Variants in ARHGEF25 observed in about 807,000 individuals in gnomAD.
ARHGEF25 encodes the protein RAC/CDC42 exchange factor.
A neutral mutation model predicts 74.0 loss-of-function variants in ARHGEF25; 42 were observed. That is an observed-to-expected ratio of 0.57 (90% CI 0.44 to 0.73). ARHGEF25 has a LOEUF of 0.73. ARHGEF25 is among the 30% of genes least tolerant of loss of function. ARHGEF25 has a pLI of 0.00. For synonymous variants in ARHGEF25, 293 were observed against 278.6 expected (o/e 1.05, Z -0.51); for missense variants, 645 against 725.5 (o/e 0.89, Z 1.27).
chr12:57,610,304 G>T, upstream of ARHGEF25: 1 of 1,544,758 alleles, frequency 6.5e-7, no homozygotes. Flanking sequence ...CGCCCTCCCT[G>T]GGCAGGAGGG....
chr12:57,610,162 C>T, upstream of ARHGEF25: 2 of 1,009,424 alleles, frequency 2.0e-6, no homozygotes, highest in East Asian at 2.6e-5. Context: ...CCTCAAAGCC[C>T]CCCAGCTTCA....
intron 5 of ARHGEF25, 49 bp from the exon 6 acceptor site, chr12:57,613,967 G>C (rs770199613): frequency 6.3e-7 from 1 of 1,576,052 alleles, no homozygotes; most frequent in Admixed American, 1.7e-5. Flanking sequence ...CCATTAAGGT[G>C]GGGAGAGGGC....
At position 57,611,920 on chromosome 12, in the gene ARHGEF25, G is replaced by T; in HGVS notation, c.26G>T (p.Arg9Leu). Residue 9 changes from arginine (R) to leucine (L), a missense_variant, in exon 1 of 15, where the codon CGC becomes CTC. Coordinates refer to ENST00000286494, the MANE Select transcript of ARHGEF25 (RefSeq NM_182947.4). The surrounding 1 kb of genome is among the most constrained non-coding windows in gnomAD (Gnocchi z 4.5). Reference sequence around the variant, plus strand: ...ATGCGGGGGGGGCACAAAGGGGGTCGCTGTGCCTGTCCCCGTGTGATCCGA... The same window carrying T: ...ATGCGGGGGGGGCACAAAGGGGGTCTCTGTGCCTGTCCCCGTGTGATCCGA... Reference protein sequence around the residue: MRGGHKGGRCACPRVIRKV... With the variant: MRGGHKGGLCACPRVIRKV... 1 of 1,287,678 alleles carries T rather than the reference G, an allele frequency of 7.8e-7. No homozygotes were observed. 79.8% of individuals were successfully genotyped at this position (1,287,678 alleles called of 1,614,324 possible).
chr12:57,610,311 A>C, upstream of ARHGEF25: 2 of 1,279,696 alleles, frequency 1.6e-6, no homozygotes, highest in African/African-American at 2.0e-5. Flanking sequence ...CCTGGGCAGG[A>C]GGGGGTAAGA....
Position 57,612,010 on chromosome 12 carries a change from G to T in ARHGEF25, c.97+19G>T. 7.7e-7 allele frequency: 1 copy of T among 1,304,430 alleles called. No individual in the cohort carries two copies. 80.8% of individuals were successfully genotyped at this position (1,304,430 alleles called of 1,614,324 possible). On this transcript the variant is annotated intron_variant, in intron 1 of 14. Coordinates refer to ENST00000286494, the MANE Select transcript of ARHGEF25 (RefSeq NM_182947.4). ...GGACGTGGTGAGTGCCAGGTCGAGA[G>T]GGTCCAGTGTTGAGTGGGGGGCGGG...
rs1314906332 is a variant in ARHGEF25, at chr12:57,616,992, G to T, written c.*98G>T. 13 of 975,514 alleles carry T rather than the reference G, an allele frequency of 1.3e-5. No homozygotes were observed. Among genetic ancestry groups the T allele is most frequent in the Non-Finnish European group, 2.1e-5 (13 of 628,666 alleles). The allele number at this position is 975,514 out of a possible 1,614,324, so 60.4% of individuals were successfully genotyped here. A position where few individuals can be genotyped will look rare whatever the true frequency, so the allele number is the denominator to read the frequency against. On this transcript the variant is annotated 3_prime_UTR_variant, in exon 15 of 15. Coordinates refer to ENST00000286494, the MANE Select transcript of ARHGEF25 (RefSeq NM_182947.4). ...CACTGCTCCAGAATTCCTCCTTCTT[G>T]GTGTGTCTGGAGGGTGGGCAAGGCT...
chr12:57,611,312 G>T (rs866812717), upstream of ARHGEF25: 1 of 348,650 alleles, frequency 2.9e-6, no homozygotes. This position sits in a 1 kb window ranked among gnomAD's most constrained non-coding sequence, Gnocchi z 4.5. Context: ...GGAACGTGGT[G>T]GTGTCTGGGG....
chr12:57,611,615 C>T lies in ARHGEF25; in HGVS notation c.-280C>T. The T allele has an allele frequency of 9.7e-7, 1 of 1,031,446 alleles. No individual in the cohort carries two copies. Among genetic ancestry groups the T allele is most frequent in the Non-Finnish European group, 1.2e-6 (1 of 859,884 alleles). 63.9% of individuals were successfully genotyped at this position (1,031,446 alleles called of 1,614,324 possible). On this transcript the variant is annotated 5_prime_UTR_variant, in exon 1 of 15. Transcript: ENST00000286494. This position sits in a 1 kb window ranked among gnomAD's most constrained non-coding sequence, Gnocchi z 4.5. ...CTCCCCCTTCCACTGGACATCTGGA[C>T]CCTAGGCCCCCGCACCGACAGGGTT...
chr12:57,612,821 GGA>G, intron 1 of ARHGEF25, 107 bp from the exon 2 acceptor site: 1 of 1,515,950 alleles, frequency 6.6e-7, no homozygotes, highest in Non-Finnish European at 8.8e-7. Flanking sequence ...GTGAGCCCTT[GGA>G]GAGAGAGGCT....
intron 1 of ARHGEF25, 166 bp from the exon 2 acceptor site, chr12:57,612,764 T>G: frequency 1.4e-6 from 2 of 1,480,404 alleles, no homozygotes; most frequent in Non-Finnish European, 1.8e-6. Context: ...AGGGGTGCCC[T>G]GGTGAAATTT....
In ARHGEF25 at chr12:57,613,306, C is replaced by A. The variant is rs767849431; in HGVS notation, c.355C>A (p.Pro119Thr). The change falls in exon 3 of 15, where the codon CCG becomes ACG. Residue 119 changes from proline to threonine, a missense_variant. Physicochemically the swap from Pro to Thr is conservative, Grantham distance 38. Coordinates refer to ENST00000286494, the MANE Select transcript of ARHGEF25 (RefSeq NM_182947.4). The part of the protein sequence containing the change: ...EPALATGEEL[P>T]ELTLLTTLLE... ...AGCTCTAGCCACAGGAGAGGAGCTG[C>A]CGGAACTGACCTTGCTGACCACACT... The A allele has an allele frequency of 1.9e-6, 3 of 1,614,198 alleles. No individual in the cohort carries two copies. In the East Asian group the frequency reaches 6.7e-5, roughly 36 times the overall value.
intron 2 of ARHGEF25, 37 bp downstream of exon 2, chr12:57,613,181 T>G: frequency 6.2e-7 from 1 of 1,610,968 alleles, no homozygotes; most frequent in Non-Finnish European, 8.5e-7. Context: ...GTGGGACATC[T>G]ATGAAGGACA....
At position 57,616,975 on chromosome 12, in the gene ARHGEF25, C is replaced by T; in HGVS notation, c.*81C>T. ...CAGGGCAGTCCTTCTGGCACTGCTC[C>T]AGAATTCCTCCTTCTTGGTGTGTCT... is the stretch of plus-strand genomic sequence containing the variant. On this transcript the variant is annotated 3_prime_UTR_variant, in exon 15 of 15. Transcript: ENST00000286494. 1 of 1,080,086 alleles carries T rather than the reference C, an allele frequency of 9.3e-7. No homozygotes were observed. Among genetic ancestry groups the T allele is most frequent in the East Asian group, 2.4e-5 (1 of 42,252 alleles). 66.9% of individuals were successfully genotyped at this position (1,080,086 alleles called of 1,614,324 possible). A position where few individuals can be genotyped will look rare whatever the true frequency, so the allele number is the denominator to read the frequency against.
rs1444733437 is a variant in ARHGEF25 at position 57,615,671 on chromosome 12, G to C, written c.1198G>C (p.Gly400Arg). ...FSEALGGGVR[G>R]GTQPGYVYKN... ...TGAAGCCCTGGGAGGAGGAGTGAGAGGTGGAACACAGCCTGGATATGTATA... is the reference window on the plus strand; with the variant it reads ...TGAAGCCCTGGGAGGAGGAGTGAGACGTGGAACACAGCCTGGATATGTATA... Residue 400 changes from glycine to arginine, a missense_variant, in exon 12 of 15, where the codon GGT becomes CGT. Transcript: ENST00000286494. 1.2e-6 allele frequency: 2 copies of C among 1,614,004 alleles called. No individual in the cohort carries two copies. The highest frequency in any genetic ancestry group is 3.3e-5 in the Admixed American group (2 of 60,000).
At position 57,614,373 on chromosome 12, in the gene ARHGEF25, T is replaced by C; in HGVS notation, c.699T>C (p.Asp233=). Residue 233 remains aspartate (D), a synonymous_variant, in exon 7 of 15, where the codon GAT becomes GAC. Transcript: ENST00000286494. The surrounding 1 kb of genome is among the most constrained non-coding windows in gnomAD (Gnocchi z 4.6). The part of the protein sequence containing the change: ...QELQRCLKDP[D]WLAQLFIKHE... ...TACAACGGTGTCTGAAAGATCCTGATTGGCTGGCTCAGCTATTCATCAAAC... is the reference window on the plus strand; with the variant it reads ...TACAACGGTGTCTGAAAGATCCTGACTGGCTGGCTCAGCTATTCATCAAAC... 1 of 1,614,114 alleles carries C rather than the reference T, an allele frequency of 6.2e-7. No individual in the cohort carries two copies.
At position 57,611,703 on chromosome 12, in the gene ARHGEF25, C is replaced by CA; in HGVS notation, c.-191dup. On this transcript the variant is annotated 5_prime_UTR_variant, in exon 1 of 15. Coordinates refer to ENST00000286494, the MANE Select transcript of ARHGEF25 (RefSeq NM_182947.4). The surrounding 1 kb of genome is among the most constrained non-coding windows in gnomAD (Gnocchi z 4.5). ...CGCGCCTCTCTCTCTCTAGAGCCCC[C>CA]AGCCCTCCTCAAGACTAGACTTCCG... 1 of 1,164,618 alleles carries CA rather than the reference C, an allele frequency of 8.6e-7. No homozygotes were observed. The highest frequency in any genetic ancestry group is 3.8e-5 in the East Asian group (1 of 26,366). 72.1% of individuals were successfully genotyped at this position (1,164,618 alleles called of 1,614,324 possible).
chr12:57,615,827 G>T lies in ARHGEF25; in HGVS notation c.1240-10G>T, dbSNP rs777857177. 9 of 1,612,988 alleles carry T rather than the reference G, an allele frequency of 5.6e-6. No homozygotes were observed. The South Asian group carries it at 8.8e-5, about 16-fold the overall frequency. ...GGAATCTGGGGGCTGTCTCCTATCT[G>T]CCAATTCAGGTGAGCTGCCTGGGAC... On this transcript the variant is annotated splice_polypyrimidine_tract_variant and intron_variant, in intron 12 of 14. Transcript: ENST00000286494.
chr12:57,614,575 G>T lies in ARHGEF25; in HGVS notation c.786G>T (p.Val262=), dbSNP rs142792300. The T allele has an allele frequency of 2.5e-6, 4 of 1,614,002 alleles. No individual in the cohort carries two copies. The African/African-American group carries it at 5.3e-5, about 22-fold the overall frequency. ...AGAATAAGCCCAAGTCAGAGCATGTGGTGTCAGAGTTTGGGGACAGCTACT... is the reference window on the plus strand; with the variant it reads ...AGAATAAGCCCAAGTCAGAGCATGTTGTGTCAGAGTTTGGGGACAGCTACT... ...YCQNKPKSEH[V]VSEFGDSYFE... is the part of the protein sequence containing the mutation. Residue 262 remains valine, a synonymous_variant, in exon 8 of 15, where the codon GTG becomes GTT. Coordinates refer to ENST00000286494, the MANE Select transcript of ARHGEF25 (RefSeq NM_182947.4). This position sits in a 1 kb window ranked among gnomAD's most constrained non-coding sequence, Gnocchi z 4.6.
Position 57,613,048 on chromosome 12 carries a change from A to G in ARHGEF25, c.216A>G (p.Pro72=). Residue 72 remains proline, a synonymous_variant, in exon 2 of 15, where the codon CCA becomes CCG. Coordinates refer to ENST00000286494, the MANE Select transcript of ARHGEF25 (RefSeq NM_182947.4). Reference sequence around the variant, plus strand: ...CTGGCCCCTGTTCCCCAGGCCCCCCAGGGCCCGTCAGTGGCCTGAGGAGAT... The same window carrying G: ...CTGGCCCCTGTTCCCCAGGCCCCCCGGGGCCCGTCAGTGGCCTGAGGAGAT... The part of the protein sequence containing the change: ...LSSGPCSPGP[P]GPVSGLRRWL... 1.2e-6 allele frequency: 2 copies of G among 1,614,008 alleles called. No individual in the cohort carries two copies. Among genetic ancestry groups the G allele is most frequent in the Non-Finnish European group, 1.7e-6 (2 of 1,179,966 alleles).
Sources: allele counts gnomAD v4.1 joint callset, GRCh38; gene constraint gnomAD v4.1.1; non-coding constraint Gnocchi (gnomAD v3.1); transcripts MANE v1.5; gene names NCBI Gene and HGNC (gene_info 2026-07-23, HGNC 2026-07-21).